SH3BP5: variants seen among roughly 807,000 people sequenced by gnomAD.
The protein encoded by SH3BP5 is SH3 domain-binding protein 5.
SH3BP5 carries 22 observed loss-of-function variants against 43.3 expected under a neutral mutation model. The observed-to-expected ratio is 0.51, with a 90% CI of 0.36 to 0.73. SH3BP5 has a LOEUF of 0.73. Ranked by LOEUF, SH3BP5 falls within the 30% of genes least tolerant of loss-of-function variation. The pLI is 0.00. For missense variants in SH3BP5, 529 were observed against 586.9 expected, an observed-to-expected ratio of 0.90 and a Z score of 1.02; for synonymous variants, 255 against 225.8, an observed-to-expected ratio of 1.13 and a Z score of -1.16.
chr3:15,257,278 C>T (rs1268436641), intron 7 of SH3BP5, 165 bp from the exon 8 acceptor site: 21 of 664,450 alleles, frequency 3.2e-5, no homozygotes, highest in Non-Finnish European at 4.8e-5. Flanking sequence ...AATGACCAGC[C>T]TCTAAAGCAG....
At chr3:15,278,864 A>C (rs1220348092) in intron 3 of SH3BP5, among the ~76,000 whole-genome samples, 3 of 152,180 alleles carry the variant, frequency 2.0e-5, no homozygotes, top group South Asian at 4.1e-4. Context: ...TTCCTGAATC[A>C]GTTTCTTAAA....
intron 7 of SH3BP5, 111 bp downstream of exon 7, chr3:15,258,720 G>A: frequency 1.1e-6 from 1 of 887,320 alleles, no homozygotes; most frequent in Non-Finnish European, 1.8e-6. Context: ...TAGCCCTCAG[G>A]CCTGCCCAAC....
At position 15,304,190 on chromosome 3, in the gene SH3BP5, C is replaced by T. The variant is rs771376338; in HGVS notation, c.243G>A (p.Thr81=). The change falls in exon 3 of 9, where the codon ACG becomes ACA. Residue 81 remains threonine (T), a synonymous_variant. Coordinates refer to ENST00000383791, the MANE Select transcript of SH3BP5 (RefSeq NM_004844.5). ...QKFRSVLVEA[T]VKLDELVKKI... ...TCTTCACCAGTTCATCCAGTTTCAC[C>T]GTTGCTTCAACCAGAACAGAGCGGA... The T allele has an allele frequency of 2.7e-5, 44 of 1,614,162 alleles. No homozygotes were observed. Among genetic ancestry groups the T allele is most frequent in the Non-Finnish European group, 3.3e-5 (39 of 1,180,024 alleles).
chr3:15,319,963 G>A (rs1340916048), intron 2 of SH3BP5, among the ~76,000 whole-genome samples: 1 of 152,078 alleles, frequency 6.6e-6, no homozygotes, highest in African/African-American at 2.4e-5. Context: ...TTACGGCTTG[G>A]GATAATTTGT....
intron 1 of SH3BP5, among the ~76,000 whole-genome samples, chr3:15,337,732 C>A (rs1326002037): frequency 6.6e-6 from 1 of 151,210 alleles, no homozygotes; most frequent in Non-Finnish European, 1.5e-5. Flanking sequence ...ATAGTAAGAG[C>A]CTCCCCACAT....
At chr3:15,335,089 C>G (rs1209823699), upstream of SH3BP5, among the ~76,000 whole-genome samples, 1 of 151,908 alleles carries the variant, frequency 6.6e-6, no homozygotes, top group Non-Finnish European at 1.5e-5. Flanking sequence ...CCAGCCTGGA[C>G]AACAAAGCAA....
intron 4 of SH3BP5, among the ~76,000 whole-genome samples, chr3:15,263,488 T>G (rs1260266200): frequency 2.0e-5 from 3 of 152,212 alleles, no homozygotes; most frequent in Admixed American, 6.5e-5. Flanking sequence ...AACTTTACAT[T>G]TAAGCAATTA....
intron 3 of SH3BP5, among the ~76,000 whole-genome samples, chr3:15,300,105 T>A (rs1697694387): frequency 6.6e-6 from 1 of 152,164 alleles, no homozygotes; most frequent in African/African-American, 2.4e-5. Flanking sequence ...GAAAATGCAT[T>A]GATACATGAC....
At chr3:15,310,342 A>C (rs1698023941) in intron 2 of SH3BP5, among the ~76,000 whole-genome samples, 1 of 152,244 alleles carries the variant, frequency 6.6e-6, no homozygotes, top group Admixed American at 6.5e-5. Flanking sequence ...AGTCTGTGGA[A>C]TTTAGTTCAA....
chr3:15,278,317 G>A (rs549432135), intron 3 of SH3BP5, among the ~76,000 whole-genome samples: 1 of 152,218 alleles, frequency 6.6e-6, no homozygotes, highest in Admixed American at 6.5e-5. Flanking sequence ...ACCCCTGGGG[G>A]GTCTCAGTGA....
intron 3 of SH3BP5, among the ~76,000 whole-genome samples, chr3:15,298,521 C>T (rs1207456245): frequency 2.6e-5 from 4 of 152,208 alleles, no homozygotes; most frequent in Non-Finnish European, 5.9e-5. Flanking sequence ...TTGCAAAGTG[C>T]TCTGCTCTCT....
chr3:15,292,082 C>T (rs1697427871), intron 3 of SH3BP5, among the ~76,000 whole-genome samples: 1 of 152,190 alleles, frequency 6.6e-6, no homozygotes, highest in Admixed American at 6.5e-5. Flanking sequence ...CTCTGATTTC[C>T]TTTCACTGAA....
chr3:15,279,044 CCTATAATCCCAGCTACT>C (rs1697048113), intron 3 of SH3BP5, among the ~76,000 whole-genome samples: 1 of 152,082 alleles, frequency 6.6e-6, no homozygotes, highest in Non-Finnish European at 1.5e-5. Context: ...GTGGCAGGCA[CCTATAATCCCAGCTACT>C]CAGGGGGCTG....
At position 15,331,883 on chromosome 3, in the gene SH3BP5, C is replaced by T. The variant is rs947804396; in HGVS notation, c.138+388G>A. On this transcript the variant is annotated intron_variant, in intron 1 of 8. Transcript: ENST00000383791. Reference sequence around the variant, plus strand: ...GTGCCCGGCGCCCACGCGGGCGACACCTCCTCGCAGAGCCTGGACGCCGTG... The same window carrying T: ...GTGCCCGGCGCCCACGCGGGCGACATCTCCTCGCAGAGCCTGGACGCCGTG... 4 of 182,106 alleles carry T rather than the reference C, an allele frequency of 2.2e-5. No homozygotes were observed. In the East Asian group the frequency reaches 6.7e-4, roughly 31 times the overall value. 11.3% of individuals were successfully genotyped at this position (182,106 alleles called of 1,614,324 possible).
At chr3:15,284,471 G>A (rs1019540686) in intron 3 of SH3BP5, among the ~76,000 whole-genome samples, 7 of 152,194 alleles carry the variant, frequency 4.6e-5, no homozygotes, top group South Asian at 2.1e-4. Flanking sequence ...TCTATTTGGC[G>A]ACTGCTTTCC....
intron 2 of SH3BP5, among the ~76,000 whole-genome samples, chr3:15,319,509 C>G (rs981563007): frequency 6.6e-6 from 1 of 152,108 alleles, no homozygotes; most frequent in South Asian, 2.1e-4. Context: ...TTGGCACTGC[C>G]CCAGGATCAA....
At chr3:15,304,975 G>A (rs931902838) in intron 2 of SH3BP5, among the ~76,000 whole-genome samples, 14 of 151,420 alleles carry the variant, frequency 9.2e-5, no homozygotes, top group Admixed American at 2.6e-4. Flanking sequence ...AAAATTAGCC[G>A]GGCATAGTGG....
intron 3 of SH3BP5, among the ~76,000 whole-genome samples, chr3:15,271,385 T>G (rs1696793634): frequency 6.6e-6 from 1 of 152,012 alleles, no homozygotes; most frequent in Non-Finnish European, 1.5e-5. Flanking sequence ...AATTTAAAGA[T>G]TAAATTCACA....
chr3:15,278,038 C>T (rs12330571), intron 3 of SH3BP5, among the ~76,000 whole-genome samples: 1 of 152,090 alleles, frequency 6.6e-6, no homozygotes, highest in Non-Finnish European at 1.5e-5. Context: ...AATGACAGGT[C>T]GGCCAGCTTC....
Sources: allele counts gnomAD v4.1 joint callset (sites outside exome capture counted in the v4.1 genomes callset), GRCh38; gene constraint gnomAD v4.1.1; transcripts MANE v1.5; gene names NCBI Gene and HGNC (gene_info 2026-07-23, HGNC 2026-07-21).